The following POU6F2 variants were observed in gnomAD, a reference collection of about 807,000 sequenced individuals.
The protein encoded by POU6F2 is POU class 6 homeobox 2.
POU6F2 carries 31 observed loss-of-function variants against 71.3 expected under a neutral mutation model. The ratio of observed to expected loss-of-function variants is 0.43; its 90% CI spans 0.33 to 0.59. POU6F2 has a LOEUF of 0.59. POU6F2 is among the 20% of genes least tolerant of loss of function. The pLI, the probability that POU6F2 is intolerant of heterozygous loss-of-function variation, is 0.04. For missense variants in POU6F2, 783 were observed against 856.8 expected (o/e 0.91, Z 1.07); for synonymous variants, 347 against 355.7 (o/e 0.98, Z 0.27).
At chr7:39,276,917 G>C (rs1304619146) in intron 4 of POU6F2, among the ~76,000 whole-genome samples, 1 of 144,864 alleles carries the variant, frequency 6.9e-6, no homozygotes, top group Non-Finnish European at 1.5e-5. Context: ...TAGGGGGAGG[G>C]GGGAGGGATA....
At chr7:39,375,100 G>T (rs1786685581) in intron 5 of POU6F2, among the ~76,000 whole-genome samples, 1 of 152,102 alleles carries the variant, frequency 6.6e-6, no homozygotes, top group African/African-American at 2.4e-5. Flanking sequence ...TAACATTTGG[G>T]GAGGTTTTGG....
intron 2 of POU6F2, among the ~76,000 whole-genome samples, chr7:39,162,980 C>T (rs1793029080): frequency 6.6e-6 from 1 of 152,102 alleles, no homozygotes; most frequent in Non-Finnish European, 1.5e-5. Flanking sequence ...TACTATTACC[C>T]CACACTCTGG....
At chr7:39,043,553 T>G (rs1790232826) in intron 1 of POU6F2, among the ~76,000 whole-genome samples, 1 of 151,988 alleles carries the variant, frequency 6.6e-6, no homozygotes, top group Non-Finnish European at 1.5e-5. Flanking sequence ...TTTATTGATT[T>G]ACAATGTTTA....
rs377010423 is a variant in POU6F2 at position 39,395,568 on chromosome 7, CTCTTG to C, written c.973-11024_973-11020del. Among the ~76,000 whole-genome samples, 29 of 152,332 alleles carry C rather than the reference CTCTTG, an allele frequency of 1.9e-4. No homozygotes were observed. The East Asian group carries it at 3.3e-3, about 17-fold the overall frequency. ...ATGGGCAGTGCCTCAAGGCATGAGG[CTCTTG>C]TCTTGTCCATCTCTGTGTCCCTGGG... is the stretch of plus-strand genomic sequence containing the variant. On this transcript the variant is annotated intron_variant, in intron 5 of 9. Transcript: ENST00000518318.
intron 6 of POU6F2, among the ~76,000 whole-genome samples, chr7:39,430,839 A>C (rs1788083470): frequency 6.6e-6 from 1 of 152,146 alleles, no homozygotes; most frequent in South Asian, 2.1e-4. Flanking sequence ...ATAGGATGAA[A>C]TGAGGCTGCA....
At chr7:39,301,095 G>GCTAT (rs1352378852) in intron 4 of POU6F2, among the ~76,000 whole-genome samples, 1 of 152,186 alleles carries the variant, frequency 6.6e-6, no homozygotes, top group East Asian at 1.9e-4. Context: ...TATCCAGAAG[G>GCTAT]CTATCCAGAT....
intron 7 of POU6F2, among the ~76,000 whole-genome samples, chr7:39,437,683 C>T (rs191930129): frequency 6.6e-5 from 10 of 152,220 alleles, no homozygotes; most frequent in African/African-American, 2.4e-4. Flanking sequence ...TTAGTTTCCT[C>T]TTGCCTCTCT....
chr7:39,319,197 T>A (rs1376305629), intron 4 of POU6F2, among the ~76,000 whole-genome samples: 1 of 152,184 alleles, frequency 6.6e-6, no homozygotes, highest in Non-Finnish European at 1.5e-5. Flanking sequence ...ACGTCCTACA[T>A]GTCAACCAAA....
At chr7:39,325,831 T>G (rs1361529132) in intron 4 of POU6F2, among the ~76,000 whole-genome samples, 2 of 152,232 alleles carry the variant, frequency 1.3e-5, no homozygotes, top group Non-Finnish European at 2.9e-5. Flanking sequence ...ACACTGATGC[T>G]TTGAAAGCCG....
intron 2 of POU6F2, among the ~76,000 whole-genome samples, chr7:39,091,921 T>TCA (rs1791369538): frequency 2.0e-5 from 3 of 152,226 alleles, no homozygotes; most frequent in African/African-American, 7.2e-5. Flanking sequence ...CTTGCTGGTT[T>TCA]ATATTTGGGG....
Position 39,276,795 on chromosome 7 carries a change from C to T in POU6F2, c.599-62847C>T, listed in dbSNP as rs573187415. On this transcript the variant is annotated intron_variant, in intron 4 of 9. Coordinates refer to ENST00000518318, the MANE Select transcript of POU6F2 (RefSeq NM_001370959.1). ...GAAATCATCATTCTCAGTAAACTAT[C>T]GCAAGGACAAAAAACCAAACACCGC... Among the ~76,000 whole-genome samples the T allele has an allele frequency of 2.1e-3, 317 of 151,496 alleles. 1 individual carries two copies. Among genetic ancestry groups the T allele is most frequent in the African/African-American group, 6.7e-3 (277 of 41,260 alleles).
chr7:39,130,916 G>A (rs1351622928), intron 2 of POU6F2, among the ~76,000 whole-genome samples: 1 of 152,204 alleles, frequency 6.6e-6, no homozygotes, highest in Non-Finnish European at 1.5e-5. Flanking sequence ...CTGCTGCTAC[G>A]GGCGCCGGGA....
chr7:39,388,203 G>A (rs1786988013), intron 5 of POU6F2, among the ~76,000 whole-genome samples: 1 of 152,184 alleles, frequency 6.6e-6, no homozygotes, highest in South Asian at 2.1e-4. Context: ...ACCATCACAG[G>A]AACAGAGAAG....
rs1218156474 is a variant in POU6F2, at chr7:39,207,499, G to A, written c.477G>A (p.Gln159=). ...TCATTCCCTTCAACATGGCGGGACA[G>A]CTAGGAGGCCAGCAAGGACTGGTTC... ...PILIPFNMAG[Q]LGGQQGLVLT... The change falls in exon 4 of 10, where the codon CAG becomes CAA. Residue 159 remains glutamine (Q), a synonymous_variant. Transcript: ENST00000518318. 1 of 1,614,030 alleles carries A rather than the reference G, an allele frequency of 6.2e-7. No homozygotes were observed. Among genetic ancestry groups the A allele is most frequent in the Non-Finnish European group, 8.5e-7 (1 of 1,179,890 alleles).
rs1478500770 is a variant in POU6F2, at chr7:39,086,191, C to T, written c.277+160C>T. Among the ~76,000 whole-genome samples, 4 of 150,232 alleles carry T rather than the reference C, an allele frequency of 2.7e-5. No homozygotes were observed. In the East Asian group the frequency reaches 7.9e-4, roughly 30 times the overall value. ...GCTAAGCCACTGAAGCTGATTCCAG[C>T]CGGCTAGGAGGATGTCCTCCAAACT... On this transcript the variant is annotated intron_variant, in intron 2 of 9. Transcript: ENST00000518318.
chr7:39,291,399 C>T (rs532096036), intron 4 of POU6F2, among the ~76,000 whole-genome samples: 1 of 152,250 alleles, frequency 6.6e-6, no homozygotes, highest in African/African-American at 2.4e-5. Context: ...TTATTTATGA[C>T]ACATAATTTT....
chr7:39,411,060 T>C (rs957236777), intron 6 of POU6F2, among the ~76,000 whole-genome samples: 9 of 152,208 alleles, frequency 5.9e-5, no homozygotes, highest in African/African-American at 2.2e-4. Flanking sequence ...TTAATCAAGA[T>C]GGTATGTGTT....
chr7:39,461,150 T>TA (rs915588436), intron 9 of POU6F2, among the ~76,000 whole-genome samples: 15 of 151,842 alleles, frequency 9.9e-5, no homozygotes, highest in South Asian at 2.1e-4. Context: ...ACACACATTT[T>TA]AAAAAAAAAT....
intron 4 of POU6F2, among the ~76,000 whole-genome samples, chr7:39,317,487 A>G (rs1308076967): frequency 6.6e-6 from 1 of 152,210 alleles, no homozygotes. Context: ...TGTGCCAAAG[A>G]TATTTTTCAG....
Sources: gnomAD v4.1 joint callset for allele counts (sites outside exome capture counted in the v4.1 genomes callset) on GRCh38, gnomAD v4.1.1 for gene constraint, MANE v1.5 for transcripts, NCBI Gene and HGNC (gene_info 2026-07-23, HGNC 2026-07-21) for gene names.